Variants in DCHS2 observed in about 807,000 individuals in gnomAD.
The protein encoded by DCHS2 is dachsous cadherin-related 2, also known as protocadherin-23.
In DCHS2, 142 loss-of-function variants were observed where a neutral mutation model predicts 182.4. The ratio of observed to expected loss-of-function variants is 0.78; its 90% CI spans 0.68 to 0.89. DCHS2 has a LOEUF of 0.89. Ranked by LOEUF, DCHS2 falls within the 40% of genes least tolerant of loss-of-function variation. The pLI is 0.00. For missense variants in DCHS2, 4,319 were observed against 4,198.6 expected (o/e 1.03, Z -0.79); for synonymous variants, 1,740 against 1,663.3 (o/e 1.05, Z -1.12).
At chr4:154,259,493 GACACACCC>G (rs1399837279) in intron 15 of DCHS2, 44 bp downstream of exon 15, 17 of 1,575,658 alleles carry the variant, frequency 1.1e-5, no homozygotes, top group Admixed American at 7.0e-5. Context: ...CTCTCACACA[GACACACCC>G]ACACACACAC....
intron 12 of DCHS2, among the ~76,000 whole-genome samples, chr4:154,303,394 C>A (rs1735295760): frequency 6.7e-6 from 1 of 148,656 alleles, no homozygotes; most frequent in Non-Finnish European, 1.5e-5. Context: ...GGAAACACAC[C>A]TTTGTTACTC....
intron 1 of DCHS2, among the ~76,000 whole-genome samples, chr4:154,487,077 C>CA (rs932939978): frequency 2.2e-4 from 33 of 152,066 alleles, no homozygotes; most frequent in African/African-American, 6.5e-4. Context: ...AGGCTTTCAT[C>CA]AAAAAAATCA....
intron 13 of DCHS2, among the ~76,000 whole-genome samples, chr4:154,279,851 G>A (rs980398072): frequency 2.3e-4 from 35 of 151,870 alleles, no homozygotes; most frequent in African/African-American, 7.5e-4. Flanking sequence ...CCCGAAGTTA[G>A]TAGAAGGAAG....
At chr4:154,276,739 G>A (rs6823540) in intron 13 of DCHS2, among the ~76,000 whole-genome samples, 6 of 151,956 alleles carry the variant, frequency 3.9e-5, no homozygotes, top group Non-Finnish European at 8.8e-5. Context: ...ACAAAGGCAC[G>A]GACTTAACAA....
intron 3 of DCHS2, among the ~76,000 whole-genome samples, chr4:154,354,010 T>G (rs1040150530): frequency 6.6e-6 from 1 of 152,172 alleles, no homozygotes; most frequent in Non-Finnish European, 1.5e-5. Context: ...CACTGCACCC[T>G]CCGCGTCCTG....
At chr4:154,454,113 G>A (rs1186065097) in intron 1 of DCHS2, among the ~76,000 whole-genome samples, 1 of 134,246 alleles carries the variant, frequency 7.4e-6, no homozygotes, top group African/African-American at 2.7e-5. Flanking sequence ...TGTTCAAATA[G>A]CATTTATACA....
At chr4:154,308,009 T>C (rs1185019445) in intron 10 of DCHS2, among the ~76,000 whole-genome samples, 2 of 152,188 alleles carry the variant, frequency 1.3e-5, no homozygotes, top group African/African-American at 2.4e-5. Context: ...GTCTTTCTCC[T>C]AAAATTTTTT....
rs149861940 is a variant in DCHS2 at position 154,298,637 on chromosome 4, G to C, written c.5677C>G (p.Arg1893Gly). 1 of 1,613,662 alleles carries C rather than the reference G, an allele frequency of 6.2e-7. No individual in the cohort carries two copies. Among genetic ancestry groups the C allele is most frequent in the East Asian group, 2.2e-5 (1 of 44,846 alleles). Reference protein sequence around the residue: ...GELSTTRALDREQISNFTLVI... With the variant: ...GELSTTRALDGEQISNFTLVI... ...AGGGTAAAATTGCTGATTTGCTCCCGGTCCAAAGCACGAGTGGTTGAGAGT... is the reference window on the plus strand; with the variant it reads ...AGGGTAAAATTGCTGATTTGCTCCCCGTCCAAAGCACGAGTGGTTGAGAGT... Residue 1893 changes from arginine (R) to glycine (G), a missense_variant, in exon 13 of 20, where the codon CGG (arginine) becomes GGG (glycine). By Grantham distance (125) the Arg-to-Gly change is moderately radical. Coordinates refer to ENST00000357232, the MANE Select transcript of DCHS2 (RefSeq NM_001358235.2).
chr4:154,391,300 T>C (rs775941327), intron 1 of DCHS2: 1 of 1,584,758 alleles, frequency 6.3e-7, no homozygotes, highest in Admixed American at 1.8e-5. Context: ...AGTCTCATGA[T>C]TTTAAATATC....
rs1374404694 is a variant in DCHS2 at position 154,332,833 on chromosome 4, T to C, written c.3375A>G (p.Glu1125=). Residue 1125 remains glutamate (E), a synonymous_variant, in exon 5 of 20, where the codon GAA becomes GAG. Coordinates refer to ENST00000357232, the MANE Select transcript of DCHS2 (RefSeq NM_001358235.2). ...RAASPLRYSL[E]PSVDSAMFGI... ...CAAACATAGCAGAGTCTACGCTGGG[T>C]TCCAGCGAGTACCTAAGAGGCGAGG... 6.2e-7 allele frequency: 1 copy of C among 1,614,196 alleles called. No homozygotes were observed. The highest frequency in any genetic ancestry group is 2.2e-5 in the East Asian group (1 of 44,882).
chr4:154,472,794 A>G (rs981301274), intron 1 of DCHS2, among the ~76,000 whole-genome samples: 1 of 151,998 alleles, frequency 6.6e-6, no homozygotes, highest in African/African-American at 2.4e-5. Context: ...CCACACATAC[A>G]CATTCACATA....
chr4:154,427,588 GTTTTTC>G (rs1048520204), intron 1 of DCHS2, among the ~76,000 whole-genome samples: 2 of 152,332 alleles, frequency 1.3e-5, no homozygotes, highest in African/African-American at 4.8e-5. Flanking sequence ...TTTGTCCAAA[GTTTTTC>G]TTTTAACAGA....
chr4:154,387,376 A>G (rs1417739061), intron 1 of DCHS2, among the ~76,000 whole-genome samples: 1 of 150,758 alleles, frequency 6.6e-6, no homozygotes, highest in African/African-American at 2.5e-5. Flanking sequence ...GATCAATAGA[A>G]CACAAAAGCA....
At chr4:154,366,789 C>T (rs1730390156) in intron 2 of DCHS2, among the ~76,000 whole-genome samples, 2 of 152,172 alleles carry the variant, frequency 1.3e-5, no homozygotes, top group South Asian at 2.1e-4. Context: ...CTTAGAGCAG[C>T]TGTGAGGCAA....
chr4:154,451,273 C>T (rs767930770), intron 1 of DCHS2, among the ~76,000 whole-genome samples: 6 of 152,126 alleles, frequency 3.9e-5, no homozygotes, highest in Non-Finnish European at 5.9e-5. Context: ...AAAGCCCTGC[C>T]ATTCTCTGCA....
intron 19 of DCHS2, 79 bp from the exon 20 acceptor site, chr4:154,237,238 T>G: frequency 6.8e-7 from 1 of 1,474,728 alleles, no homozygotes; most frequent in South Asian, 1.4e-5. Context: ...GACTATCCAA[T>G]GTCTACTAAT....
chr4:154,243,829 CTG>C (rs1731950768), intron 16 of DCHS2, among the ~76,000 whole-genome samples: 1 of 152,164 alleles, frequency 6.6e-6, no homozygotes, highest in Non-Finnish European at 1.5e-5. Flanking sequence ...AACCTCCCTG[CTG>C]TGAGTCTCCT....
intron 2 of DCHS2, among the ~76,000 whole-genome samples, chr4:154,375,990 G>C (rs924510013): frequency 6.6e-6 from 1 of 152,030 alleles, no homozygotes; most frequent in Non-Finnish European, 1.5e-5. Context: ...CATACTGTAT[G>C]ATTCCATTCA....
Position 154,489,558 on chromosome 4 carries a change from C to T in DCHS2, c.1798G>A (p.Ala600Thr), listed in dbSNP as rs778429450. The T allele has an allele frequency of 1.5e-4, 230 of 1,550,926 alleles. 1 individual carries two copies. Among genetic ancestry groups the T allele is most frequent in the Non-Finnish European group, 1.9e-4 (218 of 1,146,628 alleles). ...GSLQSKMVHT[A>T]ECGPSFAIDS... The stretch of plus-strand genomic sequence containing the variant: ...ATGGCAAAAGATGGTCCACACTCTG[C>T]GGTGTGGACCATCTTTGATTGCAGG... Residue 600 changes from alanine (A) to threonine (T), a missense_variant, in exon 1 of 20, where the codon GCA (alanine) becomes ACA (threonine). Coordinates refer to ENST00000357232, the MANE Select transcript of DCHS2 (RefSeq NM_001358235.2).
Sources: gnomAD v4.1 joint callset for allele counts (sites outside exome capture counted in the v4.1 genomes callset) on GRCh38, gnomAD v4.1.1 for gene constraint, MANE v1.5 for transcripts, NCBI Gene and HGNC (gene_info 2026-07-23, HGNC 2026-07-21) for gene names.